APBA2: variants seen among roughly 807,000 people sequenced by gnomAD.
APBA2 encodes the protein amyloid-beta A4 precursor protein-binding family A member 2.
APBA2 carries 30 observed loss-of-function variants against 75.0 expected under a neutral mutation model. The ratio of observed to expected loss-of-function variants is 0.40; its 90% confidence interval spans 0.30 to 0.54. APBA2 has a LOEUF of 0.54. APBA2 is among the 20% of genes least tolerant of loss of function. APBA2 has a pLI of 0.49. For synonymous variants in APBA2, 444 were observed against 409.6 expected (o/e 1.08, Z -1.01); for missense variants, 801 against 1,016.1 (o/e 0.79, Z 2.88).
At chr15:28,934,019 C>T (rs116526748) in intron 2 of APBA2, among the ~76,000 whole-genome samples, 4,745 of 151,836 alleles carry the variant, frequency 0.031, 243 homozygotes, top group African/African-American at 0.11. Flanking sequence ...GAGCAGCTTG[C>T]ACACGGGAAA....
chr15:28,932,926 A>G (rs2034639570), intron 2 of APBA2, among the ~76,000 whole-genome samples: 1 of 152,114 alleles, frequency 6.6e-6, no homozygotes, highest in Non-Finnish European at 1.5e-5. Flanking sequence ...TTTATAATGA[A>G]CAGAACATTA....
At chr15:29,028,205 A>G (rs551733656) in intron 3 of APBA2, among the ~76,000 whole-genome samples, 2 of 149,726 alleles carry the variant, frequency 1.3e-5, no homozygotes, top group African/African-American at 4.9e-5. Context: ...CCCTGTGTCC[A>G]TGTTTTCTCA....
chr15:29,104,638 T>A (rs2152968463), intron 10 of APBA2, among the ~76,000 whole-genome samples: 1 of 152,282 alleles, frequency 6.6e-6, no homozygotes, highest in East Asian at 1.9e-4. Context: ...CAGCCACACA[T>A]CCCTAGAAGA....
chr15:28,912,234 T>G (rs1310360363), intron 1 of APBA2, among the ~76,000 whole-genome samples: 1 of 152,218 alleles, frequency 6.6e-6, no homozygotes, highest in Admixed American at 6.5e-5. Context: ...CCCATCCATT[T>G]TGTGACATGT....
chr15:29,056,572 CCCTT>C (rs1283843497), intron 4 of APBA2, among the ~76,000 whole-genome samples: 4 of 23,764 alleles, frequency 1.7e-4, no homozygotes, highest in Admixed American at 4.8e-4. Flanking sequence ...CTCCCTTCCT[CCCTT>C]CCTCCCTCCC....
chr15:29,010,392 A>G (rs1178881282), intron 3 of APBA2, among the ~76,000 whole-genome samples: 3 of 151,968 alleles, frequency 2.0e-5, no homozygotes, highest in Non-Finnish European at 2.9e-5. Context: ...CCAAGTAGGT[A>G]GGACTACAGG....
chr15:28,896,432 A>T (rs1484163594), intron 1 of APBA2, among the ~76,000 whole-genome samples: 1 of 152,012 alleles, frequency 6.6e-6, no homozygotes, highest in Non-Finnish European at 1.5e-5. Flanking sequence ...GGCGCCCGCC[A>T]CCACCCCCGG....
intron 3 of APBA2, among the ~76,000 whole-genome samples, chr15:29,026,571 A>C (rs1233168639): frequency 6.6e-6 from 1 of 152,210 alleles, no homozygotes; most frequent in Non-Finnish European, 1.5e-5. Context: ...TCTGTAAAGA[A>C]GAGATTTTCC....
intron 2 of APBA2, chr15:28,977,343 A>G (rs908029075): frequency 2.0e-5 from 3 of 152,138 alleles, no homozygotes; most frequent in African/African-American, 7.2e-5. Context: ...GCCCCACATT[A>G]TAATAGCATC....
chr15:29,115,515 C>G (rs927086245), intron 14 of APBA2, among the ~76,000 whole-genome samples: 1 of 152,118 alleles, frequency 6.6e-6, no homozygotes, highest in African/African-American at 2.4e-5. Flanking sequence ...CGGCCAGCAG[C>G]CCCACACCTG....
intron 3 of APBA2, among the ~76,000 whole-genome samples, chr15:29,009,604 G>A (rs939501677): frequency 6.6e-6 from 1 of 151,852 alleles, no homozygotes; most frequent in East Asian, 1.9e-4. Flanking sequence ...CCACCTAAAG[G>A]TAATCAGAAT....
chr15:28,998,460 A>C (rs8029957), intron 3 of APBA2, among the ~76,000 whole-genome samples: 2,159 of 152,226 alleles, frequency 0.014, 55 homozygotes, highest in African/African-American at 0.049. Flanking sequence ...GATGCATATA[A>C]ATGCTGTGTA....
rs2033786626 is a variant in APBA2 at position 28,918,366 on chromosome 15, C to A, written c.-204-3274C>A. On this transcript the variant is annotated intron_variant, in intron 1 of 14. Coordinates refer to ENST00000683413, the MANE Select transcript of APBA2 (RefSeq NM_001353788.2). The surrounding 1 kb of genome is among the most constrained non-coding windows in gnomAD (Gnocchi z 4.2). ...AGAACTCATGAAAGGAGGCGTGGCTCACTCCTGAAGGGAGAGGGACACAGG... is the reference window on the plus strand; with the variant it reads ...AGAACTCATGAAAGGAGGCGTGGCTAACTCCTGAAGGGAGAGGGACACAGG... Among the ~76,000 whole-genome samples the A allele has an allele frequency of 6.6e-6, 1 of 152,162 alleles. No individual in the cohort carries two copies. The highest frequency in any genetic ancestry group is 6.5e-5 in the Admixed American group (1 of 15,278).
chr15:29,020,770 A>T (rs2039913798), intron 3 of APBA2, among the ~76,000 whole-genome samples: 1 of 152,076 alleles, frequency 6.6e-6, no homozygotes, highest in African/African-American at 2.4e-5. Flanking sequence ...AGATCATGCC[A>T]TTGCACTCCA....
chr15:28,926,925 C>T (rs762616989), intron 2 of APBA2, among the ~76,000 whole-genome samples: 29 of 147,074 alleles, frequency 2.0e-4, no homozygotes, highest in African/African-American at 2.6e-4. Flanking sequence ...GGTGCTATCT[C>T]GGCTCACTGC....
At chr15:29,114,547 G>T (rs1270516438) in intron 14 of APBA2, among the ~76,000 whole-genome samples, 1 of 152,128 alleles carries the variant, frequency 6.6e-6, no homozygotes, top group African/African-American at 2.4e-5. Flanking sequence ...CATACACCGG[G>T]GGAGGCCTGG....
rs747051155 is a variant in APBA2, at chr15:29,108,263, T to G, written c.1918-7T>G. 9 of 1,613,634 alleles carry G rather than the reference T, an allele frequency of 5.6e-6. No homozygotes were observed. The East Asian group carries it at 1.8e-4, about 32-fold the overall frequency. On this transcript the variant is annotated splice_polypyrimidine_tract_variant and splice_region_variant and intron_variant, in intron 12 of 14. Transcript: ENST00000683413. ...CAGCCTGTGACTCCTGTCCCCGTGC[T>G]CTGCAGGGCCTGAAGAACCAGACAC... is the stretch of plus-strand genomic sequence containing the variant.
At chr15:29,076,842 A>G (rs1345901300) in intron 6 of APBA2, among the ~76,000 whole-genome samples, 3 of 152,236 alleles carry the variant, frequency 2.0e-5, no homozygotes, top group Non-Finnish European at 4.4e-5. Context: ...GTTTTCAGAA[A>G]TAAATGACTT....
At chr15:29,012,020 G>A (rs530854512) in intron 3 of APBA2, among the ~76,000 whole-genome samples, 27 of 152,250 alleles carry the variant, frequency 1.8e-4, no homozygotes, top group African/African-American at 6.5e-4. Flanking sequence ...CAGAGATGTT[G>A]CGAAGATAGT....
Sources: gnomAD v4.1 joint callset for allele counts (sites outside exome capture counted in the v4.1 genomes callset) on GRCh38, gnomAD v4.1.1 for gene constraint, Gnocchi (gnomAD v3.1) non-coding constraint, MANE v1.5 for transcripts, NCBI Gene and HGNC (gene_info 2026-07-23, HGNC 2026-07-21) for gene names.